TBC1D23: variants seen among roughly 807,000 people sequenced by gnomAD.
The protein encoded by TBC1D23 is HCV non-structural protein 4A-transactivated protein 1.
A neutral mutation model predicts 91.4 loss-of-function variants in TBC1D23; 55 were observed. The observed-to-expected ratio is 0.60, with a 90% CI of 0.48 to 0.75. TBC1D23 has a LOEUF of 0.75. TBC1D23 is among the 30% of genes least tolerant of loss of function. The pLI is 0.00. For missense variants in TBC1D23, 725 were observed against 836.1 expected (o/e 0.87, Z 1.64); for synonymous variants, 289 against 281.0 (o/e 1.03, Z -0.28).
At chr3:100,291,172 G>A (rs1462718047) in intron 5 of TBC1D23, among the ~76,000 whole-genome samples, 4 of 152,144 alleles carry the variant, frequency 2.6e-5, no homozygotes. Flanking sequence ...CTATCATTCT[G>A]TATTTTATTT....
intron 10 of TBC1D23, among the ~76,000 whole-genome samples, chr3:100,300,209 A>G (rs1250563530): frequency 6.6e-6 from 1 of 152,180 alleles, no homozygotes; most frequent in Admixed American, 6.5e-5. Flanking sequence ...CCATTCTGGG[A>G]TCATTAAAGC....
At chr3:100,288,165 A>C (rs2067760563) in intron 4 of TBC1D23, among the ~76,000 whole-genome samples, 1 of 151,456 alleles carries the variant, frequency 6.6e-6, no homozygotes, top group Non-Finnish European at 1.5e-5. Flanking sequence ...GGATCACCTG[A>C]GCCCAGGGAG....
chr3:100,312,369 G>A (rs970490471), intron 15 of TBC1D23, among the ~76,000 whole-genome samples: 6 of 151,952 alleles, frequency 3.9e-5, no homozygotes, highest in African/African-American at 1.5e-4. Context: ...TATGTATATA[G>A]GTTGAGTTAG....
chr3:100,290,754 A>G (rs1337686974), intron 5 of TBC1D23, 53 bp downstream of exon 5: 5 of 1,411,652 alleles, frequency 3.5e-6, no homozygotes, highest in East Asian at 5.0e-5. Context: ...ATGTAAAGCT[A>G]TAGTTAGGTG....
At chr3:100,263,239 A>G (rs2067529111) in intron 1 of TBC1D23, among the ~76,000 whole-genome samples, 1 of 152,246 alleles carries the variant, frequency 6.6e-6, no homozygotes, top group Non-Finnish European at 1.5e-5. Context: ...TTTTTGAGCC[A>G]GGATGAGCCA....
chr3:100,296,104 G>C, intron 7 of TBC1D23, 68 bp from the exon 8 acceptor site: 1 of 806,992 alleles, frequency 1.2e-6, no homozygotes, highest in Non-Finnish European at 2.0e-6. Flanking sequence ...AAGATATTTC[G>C]GCTCTGATAC....
chr3:100,282,154 A>T (rs1049908230), intron 3 of TBC1D23, among the ~76,000 whole-genome samples: 11 of 152,156 alleles, frequency 7.2e-5, no homozygotes, highest in African/African-American at 2.7e-4. Flanking sequence ...CTACTAAAAA[A>T]TACAAAAATT....
intron 17 of TBC1D23, among the ~76,000 whole-genome samples, chr3:100,320,265 A>G (rs1705827283): frequency 6.6e-6 from 1 of 152,120 alleles, no homozygotes; most frequent in Non-Finnish European, 1.5e-5. Flanking sequence ...GTATTATATT[A>G]AAAAGAAGCT....
At chr3:100,320,142 C>T (rs1705824193) in intron 17 of TBC1D23, among the ~76,000 whole-genome samples, 1 of 152,034 alleles carries the variant, frequency 6.6e-6, no homozygotes, top group South Asian at 2.1e-4. Flanking sequence ...TCCCTTTTCT[C>T]TTCATGATGA....
chr3:100,288,937 G>A (rs1293901794), intron 4 of TBC1D23, among the ~76,000 whole-genome samples: 2 of 152,106 alleles, frequency 1.3e-5, no homozygotes, highest in East Asian at 1.9e-4. Context: ...CCTCTGGCCC[G>A]GCATGGTGGC....
intron 11 of TBC1D23, among the ~76,000 whole-genome samples, chr3:100,303,186 T>TA (rs1453254877): frequency 1.3e-5 from 2 of 152,212 alleles, no homozygotes; most frequent in African/African-American, 4.8e-5. Context: ...TTAAAGTCCT[T>TA]ACTTTGTATG....
chr3:100,319,259 A>T, intron 17 of TBC1D23, 55 bp downstream of exon 17: 2 of 1,436,118 alleles, frequency 1.4e-6, no homozygotes, highest in Non-Finnish European at 1.9e-6. Flanking sequence ...GAAGTTAATA[A>T]TACAAAACTG....
intron 17 of TBC1D23, among the ~76,000 whole-genome samples, 172 bp downstream of exon 17, chr3:100,319,376 A>G (rs1292713420): frequency 6.6e-6 from 1 of 152,152 alleles, no homozygotes; most frequent in African/African-American, 2.4e-5. Context: ...TTTTATTTTG[A>G]AAAATTTTAT....
At chr3:100,305,002 A>G in intron 12 of TBC1D23, 114 bp downstream of exon 12, 1 of 588,746 alleles carries the variant, frequency 1.7e-6, no homozygotes, top group Non-Finnish European at 3.0e-6. Context: ...CTCTTCATTC[A>G]TTCAATATTT....
At chr3:100,269,606 C>T (rs889003540) in intron 1 of TBC1D23, among the ~76,000 whole-genome samples, 2 of 152,166 alleles carry the variant, frequency 1.3e-5, no homozygotes, top group Non-Finnish European at 2.9e-5. Context: ...GGTCCTTGAG[C>T]TCCATGCATA....
chr3:100,321,011 A>G, intron 18 of TBC1D23, 40 bp downstream of exon 18: 1 of 1,410,298 alleles, frequency 7.1e-7, no homozygotes, highest in East Asian at 2.3e-5. Flanking sequence ...GAATTCAGAT[A>G]TTATCTGAAT....
chr3:100,299,876 A>T (rs888555037), intron 10 of TBC1D23, among the ~76,000 whole-genome samples: 3 of 152,216 alleles, frequency 2.0e-5, no homozygotes, highest in African/African-American at 7.2e-5. Context: ...ACTATCGCTT[A>T]CCATTTTTAT....
At chr3:100,269,154 T>A in intron 1 of TBC1D23, among the ~76,000 whole-genome samples, 1 of 152,178 alleles carries the variant, frequency 6.6e-6, no homozygotes, top group Non-Finnish European at 1.5e-5. Flanking sequence ...TTTTGCCTAT[T>A]GCATACAATG....
At chr3:100,267,668 A>G (rs971466936) in intron 1 of TBC1D23, among the ~76,000 whole-genome samples, 2 of 152,336 alleles carry the variant, frequency 1.3e-5, no homozygotes, top group East Asian at 3.9e-4. Context: ...TCTGAAATCC[A>G]TAATGCTCCA....
Sources: gnomAD v4.1 joint callset for allele counts (sites outside exome capture counted in the v4.1 genomes callset) on GRCh38, gnomAD v4.1.1 for gene constraint, MANE v1.5 for transcripts, NCBI Gene and HGNC (gene_info 2026-07-23, HGNC 2026-07-21) for gene names.